TULP3: variants seen among roughly 807,000 people sequenced by gnomAD.
The protein encoded by TULP3 is TUB like protein 3.
TULP3 carries 38 observed loss-of-function variants against 50.7 expected under a neutral mutation model. The ratio of observed to expected loss-of-function variants is 0.75; its 90% CI spans 0.58 to 0.98. The LOEUF is 0.98. Ranked by LOEUF, TULP3 falls within the 50% of genes least tolerant of loss-of-function variation. The pLI, the probability that TULP3 is intolerant of heterozygous loss-of-function variation, is 0.00. For synonymous variants in TULP3, 183 were observed against 196.6 expected (o/e 0.93, Z 0.58); for missense variants, 550 against 568.0 (o/e 0.97, Z 0.32).
chr12:2,906,255 C>T (rs1397175234), intron 1 of TULP3, among the ~76,000 whole-genome samples: 2 of 151,210 alleles, frequency 1.3e-5, no homozygotes, highest in Non-Finnish European at 2.9e-5. Flanking sequence ...TGCTCTTGAA[C>T]TCCTGACCTC....
chr12:2,897,089 A>G (rs1157303158), intron 1 of TULP3, among the ~76,000 whole-genome samples: 5 of 151,920 alleles, frequency 3.3e-5, no homozygotes, highest in Non-Finnish European at 5.9e-5. Context: ...GCTCATGGCA[A>G]CCTCCACCTC....
chr12:2,930,945 T>C lies in TULP3; in HGVS notation c.493-92T>C, dbSNP rs766440899. 5 of 1,379,580 alleles carry C rather than the reference T, an allele frequency of 3.6e-6. No individual in the cohort carries two copies. In the East Asian group the frequency reaches 1.1e-4, roughly 32 times the overall value. The allele number at this position is 1,379,580 out of a possible 1,614,324, so 85.5% of individuals were successfully genotyped here. On this transcript the variant is annotated intron_variant, in intron 5 of 10. Coordinates refer to ENST00000448120, the MANE Select transcript of TULP3 (RefSeq NM_003324.5). ...TCAGAAGACTGAAGACACGGGTAAA[T>C]TACTAAGTTGCTTTGTCCACTAAGT...
chr12:2,921,934 T>G (rs2098191999), intron 3 of TULP3, among the ~76,000 whole-genome samples: 1 of 151,996 alleles, frequency 6.6e-6, no homozygotes, highest in Non-Finnish European at 1.5e-5. Flanking sequence ...AAATTAACAA[T>G]TAGCCAGGTG....
chr12:2,932,840 A>T (rs887890727), intron 6 of TULP3, among the ~76,000 whole-genome samples: 1 of 151,986 alleles, frequency 6.6e-6, no homozygotes, highest in African/African-American at 2.4e-5. Flanking sequence ...TTTAACTGGA[A>T]GTTTTAGGGA....
chr12:2,923,648 C>CAA (rs561072422), intron 4 of TULP3, among the ~76,000 whole-genome samples: 6 of 71,816 alleles, frequency 8.4e-5, no homozygotes, highest in Admixed American at 1.6e-4. Flanking sequence ...TGAAACTTCT[C>CAA]AAAAAAAAAA....
rs768445744 is a variant in TULP3, at chr12:2,931,097, A to G, written c.553A>G (p.Ile185Val). 1.9e-6 allele frequency: 3 copies of G among 1,614,064 alleles called. No individual in the cohort carries two copies. The highest frequency in any genetic ancestry group is 1.1e-5 in the South Asian group (1 of 91,096). Residue 185 changes from isoleucine (I) to valine (V), a missense_variant, in exon 6 of 11, where the codon ATA (isoleucine) becomes GTA (valine). Transcript: ENST00000448120. ...AQPADNLLGDIDDLEDFVYSP... is the reference protein window; with the variant it reads ...AQPADNLLGDVDDLEDFVYSP... ...ACCAGCTGATAACCTCCTGGGAGAC[A>G]TAGACGACCTGGAGGACTTTGTGTA...
At chr12:2,921,810 G>A (rs376574415) in intron 3 of TULP3, among the ~76,000 whole-genome samples, 73 of 152,224 alleles carry the variant, frequency 4.8e-4, no homozygotes, top group African/African-American at 1.7e-3. Flanking sequence ...CAGGCTGGGC[G>A]TGGTGGCTTA....
intron 1 of TULP3, among the ~76,000 whole-genome samples, chr12:2,893,666 T>C (rs2098173639): frequency 6.6e-6 from 1 of 151,678 alleles, no homozygotes; most frequent in Non-Finnish European, 1.5e-5. Context: ...GAATTTTCTG[T>C]ATTACTGCCT....
rs200463632 is a variant in TULP3 at position 2,920,841 on chromosome 12, C to T, written c.172C>T (p.Arg58Cys). The T allele has an allele frequency of 2.8e-5, 45 of 1,614,104 alleles. No homozygotes were observed. In the Admixed American group the frequency reaches 3.7e-4, roughly 13 times the overall value. ...MVQPNPEARL[R>C]RAKPRASDEQ... is the part of the protein sequence containing the mutation. ...GCAGCCCAATCCAGAAGCCAGGCTA[C>T]GTCGGGCAAAGCCAAGGGCCAGTGA... The change falls in exon 3 of 11, where the codon CGT becomes TGT. Residue 58 changes from arginine (R) to cysteine (C), a missense_variant. Physicochemically the swap from Arg to Cys is radical, Grantham distance 180. Transcript: ENST00000448120.
Position 2,934,480 on chromosome 12 carries a change from T to G in TULP3, c.843T>G (p.Tyr281Ter). 1.2e-6 allele frequency: 2 copies of G among 1,604,554 alleles called. No homozygotes were observed. Among genetic ancestry groups the G allele is most frequent in the Non-Finnish European group, 1.7e-6 (2 of 1,175,934 alleles). ...TCATGGGGACCAAGTTTACAGTTTA[T>G]GACCGTGGCATCTGCCCCATGAAGG... ...SNLMGTKFTV[Y>*]DRGICPMKGR... Residue 281 changes from tyrosine to a stop codon, truncating the protein, a stop_gained, in exon 8 of 11, where the codon TAT becomes TAG. Transcript: ENST00000448120. LOFTEE classifies it high-confidence loss of function.
intron 10 of TULP3, among the ~76,000 whole-genome samples, chr12:2,938,848 A>G (rs947820827): frequency 6.6e-5 from 10 of 152,168 alleles, no homozygotes; most frequent in Admixed American, 2.6e-4. Flanking sequence ...AATGACCCCA[A>G]TAAAGGTTCC....
intron 3 of TULP3, among the ~76,000 whole-genome samples, chr12:2,921,781 A>T (rs770641501): frequency 1.1e-4 from 16 of 152,112 alleles, no homozygotes; most frequent in Non-Finnish European, 2.4e-4. Context: ...GTAACAGAGC[A>T]TGTTAATAAA....
chr12:2,895,339 A>G (rs2098174918), intron 1 of TULP3, among the ~76,000 whole-genome samples: 1 of 152,182 alleles, frequency 6.6e-6, no homozygotes, highest in African/African-American at 2.4e-5. Flanking sequence ...GCTTCAATTA[A>G]GTTAGCTCCA....
At chr12:2,932,822 AT>A (rs1396590481) in intron 6 of TULP3, among the ~76,000 whole-genome samples, 7 of 149,466 alleles carry the variant, frequency 4.7e-5, no homozygotes, top group Admixed American at 6.7e-5. Flanking sequence ...AGCTTTGGAG[AT>A]TTTTTTTTTA....
chr12:2,933,011 C>T (rs928901908), intron 6 of TULP3, among the ~76,000 whole-genome samples: 4 of 151,646 alleles, frequency 2.6e-5, no homozygotes, highest in Non-Finnish European at 4.4e-5. Context: ...GGCATGATCT[C>T]GGCTCACTGC....
rs1565495082 is a variant in TULP3, at chr12:2,894,744, AT to A, written c.41+3758del. ...CCCTGTCTCTACTAAAAATACAAAA[AT>A]TAGCCAGTTATGGTGGTGTGTGCGT... On this transcript the variant is annotated intron_variant, in intron 1 of 10. Coordinates refer to ENST00000448120, the MANE Select transcript of TULP3 (RefSeq NM_003324.5). Among the ~76,000 whole-genome samples the A allele has an allele frequency of 3.9e-5, 6 of 151,994 alleles. No individual in the cohort carries two copies. The South Asian group carries it at 1.2e-3, about 32-fold the overall frequency.
At chr12:2,929,273 C>T (rs2098196487) in intron 4 of TULP3, among the ~76,000 whole-genome samples, 2 of 151,012 alleles carry the variant, frequency 1.3e-5, no homozygotes, top group African/African-American at 2.4e-5. Context: ...GTCGAGATCG[C>T]GCCACTGCGC....
At chr12:2,926,456 A>T (rs968584695) in intron 4 of TULP3, among the ~76,000 whole-genome samples, 1 of 152,232 alleles carries the variant, frequency 6.6e-6, no homozygotes, top group Admixed American at 6.5e-5. Flanking sequence ...CTGCACTCCC[A>T]CCTGGGCAAC....
intron 1 of TULP3, among the ~76,000 whole-genome samples, chr12:2,892,801 C>T (rs145108576): frequency 8.4e-4 from 128 of 152,064 alleles, no homozygotes; most frequent in African/African-American, 2.9e-3. Context: ...TGAGCCACTG[C>T]GCCTGGCCCC....
Sources: allele counts gnomAD v4.1 joint callset (sites outside exome capture counted in the v4.1 genomes callset), GRCh38; gene constraint gnomAD v4.1.1; transcripts MANE v1.5; gene names NCBI Gene and HGNC (gene_info 2026-07-23, HGNC 2026-07-21).